Variants in TTC7A observed in about 807,000 individuals in gnomAD.
The protein encoded by TTC7A is tetratricopeptide repeat protein 7A.
Under a neutral mutation model 103.7 loss-of-function variants are expected in TTC7A, and 110 were observed. That is an observed-to-expected ratio of 1.06 (90% CI 0.91 to 1.24). The LOEUF is 1.24. TTC7A is among the 50% of genes most tolerant of loss of function. The probability of loss-of-function intolerance (pLI) is 0.00; values close to 1 mark genes in which losing one functional copy is unlikely to be tolerated. For synonymous variants in TTC7A, 521 were observed against 467.9 expected (o/e 1.11, Z -1.47); for missense variants, 1,340 against 1,116.3 (o/e 1.20, Z -2.86).
intron 5 of TTC7A, among the ~76,000 whole-genome samples, chr2:46,987,110 A>C (rs901547576): frequency 6.6e-6 from 1 of 151,992 alleles, no homozygotes; most frequent in Admixed American, 6.5e-5. Context: ...GACCATCAGG[A>C]ATTGGGAGGC....
chr2:47,015,148 G>A (rs557233496), intron 11 of TTC7A, among the ~76,000 whole-genome samples: 1 of 152,370 alleles, frequency 6.6e-6, no homozygotes, highest in African/African-American at 2.4e-5. Flanking sequence ...CGCCAGCACT[G>A]AAATCAGAGA....
chr2:46,938,223 C>T (rs1572662114), upstream of TTC7A, among the ~76,000 whole-genome samples: 1 of 152,096 alleles, frequency 6.6e-6, no homozygotes, highest in East Asian at 1.9e-4. Context: ...GTTCAATTTC[C>T]CACTCAGCCT....
chr2:46,998,589 A>G (rs1321764707), intron 8 of TTC7A, among the ~76,000 whole-genome samples: 2 of 152,212 alleles, frequency 1.3e-5, no homozygotes, highest in Non-Finnish European at 2.9e-5. Flanking sequence ...CTAGAACAGC[A>G]GCTGGTGACC....
intron 5 of TTC7A, among the ~76,000 whole-genome samples, chr2:46,993,245 G>C (rs1447073414): frequency 2.0e-5 from 3 of 152,166 alleles, no homozygotes; most frequent in Non-Finnish European, 4.4e-5. Context: ...AGGGACTAGG[G>C]GAAAAGGGAT....
Position 47,073,719 on chromosome 2 carries a change from G to T in TTC7A, c.2373G>T (p.Arg791=). The T allele has an allele frequency of 1.2e-6, 2 of 1,613,792 alleles. No individual in the cohort carries two copies. The highest frequency in any genetic ancestry group is 1.7e-6 in the Non-Finnish European group (2 of 1,180,004). The change falls in exon 20 of 20, where the codon CGG becomes CGT. Residue 791 remains arginine, a synonymous_variant. Coordinates refer to ENST00000319190, the MANE Select transcript of TTC7A (RefSeq NM_020458.4). ...GTCCACAGGGTCTGATGCTGAGTCG[G>T]CTGGGCCACAAGAGCTTGGCCCAGA... is the stretch of plus-strand genomic sequence containing the variant. ...IMHSLGLMLS[R]LGHKSLAQKV...
chr2:47,072,255 TCCCCTGGCCTCTGCACGCCTCATCC>T (rs1684801924), intron 19 of TTC7A, among the ~76,000 whole-genome samples: 1 of 152,102 alleles, frequency 6.6e-6, no homozygotes, highest in Non-Finnish European at 1.5e-5. Context: ...CACCCTGTCC[TCCCCTGGCCTCTGCACGCCTCATCC>T]GTGTGTGTGG....
intron 15 of TTC7A, among the ~76,000 whole-genome samples, chr2:47,038,541 T>C (rs952844947): frequency 1.3e-5 from 2 of 152,126 alleles, no homozygotes; most frequent in African/African-American, 4.8e-5. Context: ...TTAAAACAGC[T>C]CAGCACAGCC....
Position 47,074,063 on chromosome 2 carries a change from C to G in TTC7A, c.*140C>G. Reference sequence around the variant, plus strand: ...TAGTGAACGCCTCTGCAGCTGCAGCCCTCGTTCTCTTGGCTGGGCCAAGAG... The same window carrying G: ...TAGTGAACGCCTCTGCAGCTGCAGCGCTCGTTCTCTTGGCTGGGCCAAGAG... On this transcript the variant is annotated 3_prime_UTR_variant, in exon 20 of 20. Coordinates refer to ENST00000319190, the MANE Select transcript of TTC7A (RefSeq NM_020458.4). 1 of 657,928 alleles carries G rather than the reference C, an allele frequency of 1.5e-6. No individual in the cohort carries two copies. 40.8% of individuals were successfully genotyped at this position (657,928 alleles called of 1,614,324 possible).
intron 15 of TTC7A, among the ~76,000 whole-genome samples, chr2:47,039,632 G>A (rs1296396876): frequency 6.6e-6 from 1 of 152,236 alleles, no homozygotes; most frequent in Non-Finnish European, 1.5e-5. Flanking sequence ...ATAGCAGTGG[G>A]AAGAAATTGT....
chr2:46,921,542 G>A (rs1374788580), intron 2 of TTC7A, among the ~76,000 whole-genome samples: 3 of 152,140 alleles, frequency 2.0e-5, no homozygotes, highest in African/African-American at 7.2e-5. Flanking sequence ...TTTGTCTCTT[G>A]TCAAAGCATA....
chr2:46,954,104 T>G (rs1671638738), intron 2 of TTC7A, among the ~76,000 whole-genome samples: 1 of 152,206 alleles, frequency 6.6e-6, no homozygotes, highest in Admixed American at 6.5e-5. Flanking sequence ...ACTGGGAAAG[T>G]TGGATTCATG....
At chr2:46,973,993 G>A (rs1246659680) in intron 3 of TTC7A, among the ~76,000 whole-genome samples, 4 of 152,156 alleles carry the variant, frequency 2.6e-5, no homozygotes, top group Admixed American at 6.5e-5. Context: ...AGCAGCTGGT[G>A]CTCCCAGGCA....
intron 18 of TTC7A, among the ~76,000 whole-genome samples, chr2:47,052,150 A>G (rs1682911881): frequency 6.6e-6 from 1 of 152,198 alleles, no homozygotes; most frequent in African/African-American, 2.4e-5. Flanking sequence ...CAGTTGTCTC[A>G]GTCTCAAAAA....
At position 47,050,132 on chromosome 2, in the gene TTC7A, G is replaced by A. The variant is rs1252467047; in HGVS notation, c.2017+86G>A. 1.9e-5 allele frequency: 23 copies of A among 1,191,418 alleles called. 1 individual carries two copies. In the Middle Eastern group the frequency reaches 3.4e-3, roughly 178 times the overall value. 73.8% of individuals were successfully genotyped at this position (1,191,418 alleles called of 1,614,324 possible). Reference sequence around the variant, plus strand: ...AGAGCACCAACACAGAGAGGGGCCGGGCCCTCTCCCAGCCGGGCCAAGCCC... The same window carrying A: ...AGAGCACCAACACAGAGAGGGGCCGAGCCCTCTCCCAGCCGGGCCAAGCCC... On this transcript the variant is annotated intron_variant, in intron 17 of 19. Transcript: ENST00000319190.
In TTC7A at chr2:46,975,104, GT is replaced by G; in HGVS notation, c.648+2del. 6.2e-7 allele frequency: 1 copy of G among 1,613,480 alleles called. No homozygotes were observed. The highest frequency in any genetic ancestry group is 1.1e-5 in the South Asian group (1 of 91,066). The stretch of plus-strand genomic sequence containing the variant: ...GGTGTTCCTGCAGGAATTGGAGAAG[GT>G]GAGCTGGAAATAACACCGTGGTAGG... On this transcript the variant is annotated splice_donor_variant, in intron 4 of 19. Coordinates refer to ENST00000319190, the MANE Select transcript of TTC7A (RefSeq NM_020458.4). LOFTEE classifies it high-confidence loss of function.
chr2:46,962,441 C>T (rs955847489), intron 3 of TTC7A, among the ~76,000 whole-genome samples: 3 of 152,160 alleles, frequency 2.0e-5, no homozygotes, highest in African/African-American at 7.2e-5. Flanking sequence ...CCCCAAGGCT[C>T]CTGGCCCACC....
At chr2:47,070,222 C>T (rs956459376) in intron 19 of TTC7A, among the ~76,000 whole-genome samples, 3 of 152,250 alleles carry the variant, frequency 2.0e-5, no homozygotes, top group African/African-American at 7.2e-5. Context: ...CAGGCCACAG[C>T]CCCTGGCCAC....
intron 2 of TTC7A, among the ~76,000 whole-genome samples, chr2:46,924,399 C>T (rs926812884): frequency 2.0e-5 from 3 of 152,012 alleles, no homozygotes; most frequent in African/African-American, 7.3e-5. Context: ...GTGAGCTTAG[C>T]TCTCCAATTA....
At chr2:46,927,711 G>C (rs1017413093) in intron 2 of TTC7A, among the ~76,000 whole-genome samples, 2 of 151,852 alleles carry the variant, frequency 1.3e-5, no homozygotes, top group African/African-American at 2.4e-5. Flanking sequence ...CTCACAACAG[G>C]AACAGTGGAA....
Sources: allele counts gnomAD v4.1 joint callset (sites outside exome capture counted in the v4.1 genomes callset), GRCh38; gene constraint gnomAD v4.1.1; transcripts MANE v1.5; gene names NCBI Gene and HGNC (gene_info 2026-07-23, HGNC 2026-07-21).